Variants in DOCK2 observed in about 807,000 individuals in gnomAD.
The protein encoded by DOCK2 is dedicator of cytokinesis protein 2.
A neutral mutation model predicts 248.9 loss-of-function variants in DOCK2; 87 were observed. The ratio of observed to expected loss-of-function variants is 0.35; its 90% CI spans 0.29 to 0.42. DOCK2 has a LOEUF of 0.42. DOCK2 is among the 10% of genes least tolerant of loss of function. The pLI is 1.00. For synonymous variants in DOCK2, 805 were observed against 821.6 expected (o/e 0.98, Z 0.35); for missense variants, 1,747 against 2,300.2 (o/e 0.76, Z 4.92).
Position 169,932,131 on chromosome 5 carries a change from G to A in DOCK2, c.2800-50937G>A, listed in dbSNP as rs543566583. Among the ~76,000 whole-genome samples, 40 of 152,266 alleles carry A rather than the reference G, an allele frequency of 2.6e-4. 1 individual carries two copies. Among genetic ancestry groups the A allele is most frequent in the East Asian group, 5.8e-4 (3 of 5,184 alleles). On this transcript the variant is annotated intron_variant, in intron 27 of 51. Coordinates refer to ENST00000520908, the MANE Select transcript of DOCK2 (RefSeq NM_004946.3). ...CTGCTATATAGTGAGATAAAGTGGCGTAAGAGCATATGATGGAGGTGACAG... is the reference window on the plus strand; with the variant it reads ...CTGCTATATAGTGAGATAAAGTGGCATAAGAGCATATGATGGAGGTGACAG...
intron 27 of DOCK2, chr5:169,882,862 C>T (rs1402697289): frequency 6.4e-7 from 1 of 1,551,228 alleles, no homozygotes; most frequent in Non-Finnish European, 8.7e-7. Context: ...TTTCGATGCA[C>T]TGTTAGTTTT....
chr5:170,037,582 G>A (rs1446757665), intron 36 of DOCK2, among the ~76,000 whole-genome samples: 1 of 151,320 alleles, frequency 6.6e-6, no homozygotes, highest in Non-Finnish European at 1.5e-5. Context: ...TGCCTCCCGG[G>A]TTCAAGTGAT....
chr5:169,882,454 G>T, intron 27 of DOCK2: 1 of 992,564 alleles, frequency 1.0e-6, no homozygotes, highest in Non-Finnish European at 1.5e-6. Flanking sequence ...CAAACATTTT[G>T]GAGACATTTT....
intron 43 of DOCK2, 81 bp from the exon 44 acceptor site, chr5:170,057,499 C>T (rs752866883): frequency 7.5e-7 from 1 of 1,337,144 alleles, no homozygotes; most frequent in South Asian, 1.2e-5. Flanking sequence ...GGCTGGGTTT[C>T]TGCCAAGCTT....
chr5:170,012,573 T>TTG (rs974412030), intron 32 of DOCK2, among the ~76,000 whole-genome samples: 1 of 151,926 alleles, frequency 6.6e-6, no homozygotes, highest in Non-Finnish European at 1.5e-5. Flanking sequence ...TCTAGACAAA[T>TTG]TGTGTGTGTG....
chr5:169,667,097 T>A (rs1758778828), intron 2 of DOCK2, among the ~76,000 whole-genome samples: 1 of 152,008 alleles, frequency 6.6e-6, no homozygotes, highest in Non-Finnish European at 1.5e-5. Context: ...CTTAATGGAG[T>A]CCCTGTCACA....
intron 26 of DOCK2, among the ~76,000 whole-genome samples, chr5:169,819,073 A>T (rs1477095531): frequency 1.3e-5 from 2 of 152,194 alleles, no homozygotes; most frequent in East Asian, 3.8e-4. Flanking sequence ...GGGGACAAGG[A>T]ATGACATGAT....
intron 46 of DOCK2, 125 bp from the exon 47 acceptor site, chr5:170,075,822 A>C: frequency 1.6e-6 from 2 of 1,274,042 alleles, no homozygotes; most frequent in Non-Finnish European, 2.2e-6. Context: ...CAGGTTTCTG[A>C]GGACCCTGAA....
intron 13 of DOCK2, 111 bp from the exon 14 acceptor site, chr5:169,702,192 A>G: frequency 7.4e-7 from 1 of 1,355,292 alleles, no homozygotes; most frequent in Non-Finnish European, 1.0e-6. Context: ...ATTTTAATTA[A>G]TACCAATCCA....
At chr5:169,885,915 G>C (rs1772943953) in intron 27 of DOCK2, among the ~76,000 whole-genome samples, 1 of 152,078 alleles carries the variant, frequency 6.6e-6, no homozygotes, top group Admixed American at 6.6e-5. Flanking sequence ...AGACTTACGG[G>C]GAAATTGAAG....
intron 1 of DOCK2, among the ~76,000 whole-genome samples, chr5:169,648,651 C>G (rs1309167264): frequency 6.6e-6 from 1 of 152,132 alleles, no homozygotes; most frequent in African/African-American, 2.4e-5. Context: ...GTGTTCACCC[C>G]AGGATGTTTA....
chr5:169,930,774 C>T (rs532484722), intron 27 of DOCK2, among the ~76,000 whole-genome samples: 1 of 152,286 alleles, frequency 6.6e-6, no homozygotes, highest in East Asian at 1.9e-4. Flanking sequence ...GGTGAGCCTC[C>T]ATTTCCAGGT....
chr5:170,048,489 C>CA (rs1319890868), intron 40 of DOCK2, among the ~76,000 whole-genome samples: 1 of 152,158 alleles, frequency 6.6e-6, no homozygotes, highest in Non-Finnish European at 1.5e-5. Flanking sequence ...GCTCTATTTT[C>CA]CAATAAAAAA....
chr5:169,859,857 TC>T (rs1771085388), intron 27 of DOCK2, among the ~76,000 whole-genome samples: 1 of 152,196 alleles, frequency 6.6e-6, no homozygotes, highest in Non-Finnish European at 1.5e-5. Flanking sequence ...AATCTTTAAT[TC>T]CCGGAGTGCT....
At chr5:169,740,942 C>T (rs1422489186) in intron 22 of DOCK2, among the ~76,000 whole-genome samples, 1 of 152,064 alleles carries the variant, frequency 6.6e-6, no homozygotes, top group Admixed American at 6.6e-5. Flanking sequence ...CTCGGGCGAT[C>T]CTCCAGCCTC....
At chr5:169,732,257 A>G (rs1762819930) in intron 22 of DOCK2, among the ~76,000 whole-genome samples, 1 of 152,174 alleles carries the variant, frequency 6.6e-6, no homozygotes, top group South Asian at 2.1e-4. Flanking sequence ...TCCTGGAATC[A>G]CTTTTCTTCC....
At chr5:169,925,621 G>T (rs1011234544) in intron 27 of DOCK2, among the ~76,000 whole-genome samples, 1 of 145,724 alleles carries the variant, frequency 6.9e-6, no homozygotes, top group Non-Finnish European at 1.5e-5. Flanking sequence ...GTCCTGGGGT[G>T]TAATCCCAGC....
At chr5:170,008,813 G>A in intron 32 of DOCK2, 67 bp downstream of exon 32, 3 of 1,584,650 alleles carry the variant, frequency 1.9e-6, no homozygotes, top group Non-Finnish European at 1.7e-6. Flanking sequence ...AAGACCATCT[G>A]TTGGAGGGCC....
At chr5:169,723,229 C>T (rs1308329356) in intron 22 of DOCK2, among the ~76,000 whole-genome samples, 3 of 152,184 alleles carry the variant, frequency 2.0e-5, no homozygotes, top group Non-Finnish European at 4.4e-5. Flanking sequence ...AGCTCATTTG[C>T]TTATGAGAAA....
Sources: allele counts gnomAD v4.1 joint callset (sites outside exome capture counted in the v4.1 genomes callset), GRCh38; gene constraint gnomAD v4.1.1; transcripts MANE v1.5; gene names NCBI Gene and HGNC (gene_info 2026-07-23, HGNC 2026-07-21).